Variants in LPIN2 observed in about 807,000 individuals in gnomAD.
LPIN2 encodes lipin 2.
LPIN2 carries 55 observed loss-of-function variants against 111.4 expected under a neutral mutation model. The ratio of observed to expected loss-of-function variants is 0.49; its 90% CI spans 0.40 to 0.62. The LOEUF (loss-of-function observed/expected upper bound fraction) is 0.62. LPIN2 is among the 20% of genes least tolerant of loss of function. The pLI is 0.00. For missense variants in LPIN2, 992 were observed against 1,112.1 expected, an observed-to-expected ratio of 0.89 and a Z score of 1.54; for synonymous variants, 425 against 414.0, an observed-to-expected ratio of 1.03 and a Z score of -0.32.
In LPIN2 at chr18:2,948,647, G is replaced by C. The variant is rs75884230; in HGVS notation, c.590+2408C>G. 1.7e-3 allele frequency among the ~76,000 whole-genome samples: 257 copies of C among 152,084 alleles called. 4 individuals carry two copies. The East Asian group carries it at 0.044, about 26-fold the overall frequency. ...GTAGATCTTGGAAGAATTTTAGTTG[G>C]TAAAAATATTTTCAGGAACGAAGCA... On this transcript the variant is annotated intron_variant, in intron 4 of 19. Transcript: ENST00000677752.
intron 1 of LPIN2, among the ~76,000 whole-genome samples, chr18:2,984,072 T>G (rs2078151448): frequency 6.6e-6 from 1 of 152,238 alleles, no homozygotes; most frequent in Admixed American, 6.5e-5. Flanking sequence ...TCTCTGCATC[T>G]AAACTTCACA....
At chr18:3,012,639 C>A (rs2078625832) in intron 1 of LPIN2, among the ~76,000 whole-genome samples, 1 of 152,184 alleles carries the variant, frequency 6.6e-6, no homozygotes, top group Non-Finnish European at 1.5e-5. Context: ...GGCGCCCCCT[C>A]CCGCAGGGCC....
At chr18:3,012,588 A>T (rs993572894) in intron 1 of LPIN2, among the ~76,000 whole-genome samples, 2 of 152,198 alleles carry the variant, frequency 1.3e-5, no homozygotes, top group Non-Finnish European at 2.9e-5. Flanking sequence ...AAGAAACACC[A>T]GCAACTCGGC....
At chr18:2,924,621 A>C in intron 14 of LPIN2, 75 bp from the exon 15 acceptor site, 3 of 1,482,190 alleles carry the variant, frequency 2.0e-6, no homozygotes, top group Non-Finnish European at 2.8e-6. Flanking sequence ...TTACAGAACA[A>C]CTGGTGTCTC....
rs1285537950 is a variant in LPIN2, at chr18:2,925,151, A to C, written c.1938+73T>G. The C allele has an allele frequency of 3.8e-6, 6 of 1,572,794 alleles. No homozygotes were observed. The East Asian group carries it at 1.1e-4, about 29-fold the overall frequency. On this transcript the variant is annotated intron_variant, in intron 14 of 19. Coordinates refer to ENST00000677752, the MANE Select transcript of LPIN2 (RefSeq NM_001375808.2). This position sits in a 1 kb window ranked among gnomAD's most constrained non-coding sequence, Gnocchi z 4.1. ...TATGCAGCTGGGGACGTGTGGACAG[A>C]AGAGGATGTGCATCAAATTAAACCA...
At chr18:2,998,113 A>G (rs1444035509) in intron 1 of LPIN2, among the ~76,000 whole-genome samples, 2 of 152,218 alleles carry the variant, frequency 1.3e-5, no homozygotes, top group Non-Finnish European at 2.9e-5. Context: ...TGGGACCACA[A>G]TGGAATCTTC....
chr18:2,972,311 A>G (rs915243208), intron 1 of LPIN2: 6 of 152,354 alleles, frequency 3.9e-5, no homozygotes, highest in African/African-American at 1.4e-4. Context: ...TGAGCAGCGC[A>G]GCAGCAACTC....
At chr18:2,970,016 C>A (rs2143285111) in intron 1 of LPIN2, among the ~76,000 whole-genome samples, 1 of 152,306 alleles carries the variant, frequency 6.6e-6, no homozygotes, top group Non-Finnish European at 1.5e-5. Context: ...TTTTATGATA[C>A]TTAAATTCTA....
At chr18:2,939,455 T>C (rs1243294323) in intron 6 of LPIN2, 25 bp downstream of exon 6, 11 of 1,612,584 alleles carry the variant, frequency 6.8e-6, no homozygotes, top group Non-Finnish European at 9.3e-6. Flanking sequence ...TAACACACTT[T>C]CCACAGGCAA....
chr18:2,920,994 G>A (rs1030879909), intron 18 of LPIN2, 113 bp from the exon 19 acceptor site: 22 of 772,660 alleles, frequency 2.8e-5, no homozygotes, highest in Middle Eastern at 2.4e-4. Flanking sequence ...GAAAACATGC[G>A]GAGGCGGCAC....
chr18:2,995,877 G>T (rs1341109133), intron 1 of LPIN2, among the ~76,000 whole-genome samples: 1 of 152,196 alleles, frequency 6.6e-6, no homozygotes, highest in Non-Finnish European at 1.5e-5. Context: ...AAATGTATAT[G>T]CTGTCCCTAA....
At chr18:2,993,734 G>C (rs1184192676) in intron 1 of LPIN2, among the ~76,000 whole-genome samples, 1 of 152,134 alleles carries the variant, frequency 6.6e-6, no homozygotes, top group Non-Finnish European at 1.5e-5. Flanking sequence ...CCTAATCTTA[G>C]CTTCTAAACA....
chr18:2,973,894 T>G (rs1266596227), intron 1 of LPIN2, among the ~76,000 whole-genome samples: 1 of 152,194 alleles, frequency 6.6e-6, no homozygotes, highest in East Asian at 1.9e-4. Flanking sequence ...ATTTTCCACT[T>G]GTGGCATCAG....
rs1276505530 is a variant in LPIN2, at chr18:2,917,070, T to C, written c.*3223A>G. 2 of 152,244 alleles carry C rather than the reference T, an allele frequency of 1.3e-5. No homozygotes were observed. Among genetic ancestry groups the C allele is most frequent in the Non-Finnish European group, 2.9e-5 (2 of 68,046 alleles). 9.4% of individuals were successfully genotyped at this position (152,244 alleles called of 1,614,324 possible). A position where few individuals can be genotyped will look rare whatever the true frequency, so the allele number is the denominator to read the frequency against. Reference sequence around the variant, plus strand: ...AAACACTGCACCAAAATATTAGCCATTCATCTTGCAACAATTGCTTTACTG... The same window carrying C: ...AAACACTGCACCAAAATATTAGCCACTCATCTTGCAACAATTGCTTTACTG... On this transcript the variant is annotated 3_prime_UTR_variant, in exon 20 of 20. Transcript: ENST00000677752.
Position 2,977,738 on chromosome 18 carries a change from GATAGA to G in LPIN2, c.-9-16894_-9-16890del, listed in dbSNP as rs1011878403. Among the ~76,000 whole-genome samples the G allele has an allele frequency of 6.8e-4, 104 of 152,268 alleles. 1 individual carries two copies. Among genetic ancestry groups the G allele is most frequent in the African/African-American group, 2.2e-3 (92 of 41,556 alleles). On this transcript the variant is annotated intron_variant, in intron 1 of 19. Transcript: ENST00000677752. ...AATAAAATATTCTTGAGTCCTCACT[GATAGA>G]ATAAATTAATATATAAGTGAGAAAT... is the stretch of plus-strand genomic sequence containing the variant.
chr18:2,963,194 G>A (rs1007802650), intron 1 of LPIN2, among the ~76,000 whole-genome samples: 1 of 152,234 alleles, frequency 6.6e-6, no homozygotes, highest in South Asian at 2.1e-4. Context: ...TGGGTATGAT[G>A]AGCAGCTGTC....
rs1299149842 is a variant in LPIN2, at chr18:2,954,606, G to A, written c.193-7C>T. 3.2e-6 allele frequency: 5 copies of A among 1,574,110 alleles called. No individual in the cohort carries two copies. Among genetic ancestry groups the A allele is most frequent in the Admixed American group, 1.7e-5 (1 of 59,958 alleles). ...CGTTGATTTCTATATCAATCTATGG[G>A]AGAAACAAAGTATGACTTAATGTTC... On this transcript the variant is annotated splice_polypyrimidine_tract_variant and splice_region_variant and intron_variant, in intron 2 of 19. Coordinates refer to ENST00000677752, the MANE Select transcript of LPIN2 (RefSeq NM_001375808.2).
Position 2,920,397 on chromosome 18 carries a change from G to T in LPIN2, c.2587C>A (p.Leu863Ile). 6.2e-7 allele frequency: 1 copy of T among 1,613,976 alleles called. No homozygotes were observed. Among genetic ancestry groups the T allele is most frequent in the Non-Finnish European group, 8.5e-7 (1 of 1,180,022 alleles). The change falls in exon 20 of 20, where the codon CTT (leucine) becomes ATT (isoleucine). Residue 863 changes from leucine (L) to isoleucine (I), a missense_variant. By Grantham distance (5) the Leu-to-Ile change is conservative (BLOSUM62 2). Transcript: ENST00000677752. ...LSELVEHVFP[L>I]LSKEQNSAFP... ...GCGGAATTCTGCTCCTTACTGAGAA[G>T]GGGGAACACATGCTCCACGAGCTCA...
At chr18:2,995,982 A>G (rs1325013208) in intron 1 of LPIN2, among the ~76,000 whole-genome samples, 1 of 152,236 alleles carries the variant, frequency 6.6e-6, no homozygotes. Context: ...TTACATGTGT[A>G]TAACGGAGGA....
Sources: allele counts gnomAD v4.1 joint callset (sites outside exome capture counted in the v4.1 genomes callset), GRCh38; gene constraint gnomAD v4.1.1; non-coding constraint Gnocchi (gnomAD v3.1); transcripts MANE v1.5; gene names NCBI Gene and HGNC (gene_info 2026-07-23, HGNC 2026-07-21).